Variants in DMGDH observed in about 807,000 individuals in gnomAD.
DMGDH encodes dimethylglycine dehydrogenase, mitochondrial.
In DMGDH, 76 loss-of-function variants were observed where a neutral mutation model predicts 95.2. That is an observed-to-expected ratio of 0.80 (90% CI 0.66 to 0.97). The LOEUF (loss-of-function observed/expected upper bound fraction) is 0.97. Ranked by LOEUF, DMGDH falls within the 50% of genes least tolerant of loss-of-function variation. DMGDH has a pLI of 0.00. For synonymous variants in DMGDH, 345 were observed against 377.6 expected, an observed-to-expected ratio of 0.91 and a Z score of 1.00; for missense variants, 987 against 1,055.0, an observed-to-expected ratio of 0.94 and a Z score of 0.89.
At chr5:79,042,928 T>C (rs572448681) in intron 6 of DMGDH, among the ~76,000 whole-genome samples, 4 of 152,314 alleles carry the variant, frequency 2.6e-5, no homozygotes, top group African/African-American at 9.6e-5. Flanking sequence ...AGATCTAAGA[T>C]GATGGATTTT....
At chr5:79,044,940 A>C (rs620376) in intron 5 of DMGDH, among the ~76,000 whole-genome samples, 24 of 152,100 alleles carry the variant, frequency 1.6e-4, no homozygotes, top group Admixed American at 1.2e-3. Context: ...GGACAGGGAC[A>C]GTCAGGCAAA....
At chr5:79,003,399 T>C (rs888407214) in intron 15 of DMGDH, among the ~76,000 whole-genome samples, 7 of 152,058 alleles carry the variant, frequency 4.6e-5, no homozygotes, top group African/African-American at 1.7e-4. Context: ...AAATATGAAT[T>C]GGAGGAAGAA....
intron 7 of DMGDH, among the ~76,000 whole-genome samples, chr5:79,038,370 G>C (rs1754406645): frequency 6.6e-6 from 1 of 152,108 alleles, no homozygotes; most frequent in Admixed American, 6.5e-5. Flanking sequence ...TGTAATCCCA[G>C]CTATTTGGGA....
At chr5:79,051,224 G>T in intron 5 of DMGDH, 63 bp downstream of exon 5, 1 of 1,519,772 alleles carries the variant, frequency 6.6e-7, no homozygotes, top group Non-Finnish European at 9.1e-7. Flanking sequence ...GAAACATTAC[G>T]GCTAAATATC....
At chr5:79,039,082 A>G (rs1754429345) in intron 7 of DMGDH, among the ~76,000 whole-genome samples, 1 of 149,414 alleles carries the variant, frequency 6.7e-6, no homozygotes, top group Non-Finnish European at 1.5e-5. Flanking sequence ...GGATGTGGAG[A>G]AATAGGAACA....
intron 14 of DMGDH, among the ~76,000 whole-genome samples, chr5:79,016,533 T>C (rs1753737708): frequency 6.6e-6 from 1 of 152,222 alleles, no homozygotes; most frequent in Admixed American, 6.5e-5. Context: ...TTAAAAGATA[T>C]GTAAGACCTG....
chr5:79,039,564 A>G (rs1272006255), intron 7 of DMGDH, among the ~76,000 whole-genome samples: 4 of 152,096 alleles, frequency 2.6e-5, no homozygotes, highest in African/African-American at 4.8e-5. Context: ...TTGTGGGGTC[A>G]GGGGAGTGGG....
At chr5:79,013,249 T>G (rs925199358) in intron 14 of DMGDH, among the ~76,000 whole-genome samples, 1 of 152,188 alleles carries the variant, frequency 6.6e-6, no homozygotes, top group African/African-American at 2.4e-5. Flanking sequence ...CTAAGATCCA[T>G]AGATCCCTAG....
intron 14 of DMGDH, among the ~76,000 whole-genome samples, chr5:79,006,146 T>C (rs1004563730): frequency 6.7e-6 from 1 of 148,832 alleles, no homozygotes; most frequent in Non-Finnish European, 1.5e-5. Flanking sequence ...CCATTCCCAA[T>C]GCAATCAATG....
At chr5:79,000,266 C>T (rs536436419) in intron 15 of DMGDH, 1 of 646,924 alleles carries the variant, frequency 1.5e-6, no homozygotes, top group South Asian at 1.4e-5. Flanking sequence ...ATATTCCTCA[C>T]ATTTAAAATC....
chr5:79,040,202 C>T (rs1348108309), intron 7 of DMGDH, among the ~76,000 whole-genome samples: 1 of 152,016 alleles, frequency 6.6e-6, no homozygotes, highest in Non-Finnish European at 1.5e-5. Flanking sequence ...TATGTTAATT[C>T]CAGGAGTTGG....
intron 7 of DMGDH, among the ~76,000 whole-genome samples, chr5:79,034,487 A>G (rs1460187566): frequency 2.0e-5 from 3 of 152,300 alleles, no homozygotes; most frequent in African/African-American, 7.2e-5. Flanking sequence ...GTCTTGTCTA[A>G]TGAAGGCCTC....
chr5:79,032,663 A>G, intron 9 of DMGDH, 24 bp downstream of exon 9: 1 of 1,614,008 alleles, frequency 6.2e-7, no homozygotes, highest in Non-Finnish European at 8.5e-7. Context: ...TCAGAACCAC[A>G]GGCAGGTAAA....
chr5:79,021,791 G>C, intron 14 of DMGDH: 1 of 1,161,072 alleles, frequency 8.6e-7, no homozygotes, highest in Non-Finnish European at 1.1e-6. Flanking sequence ...AAATTCTTGG[G>C]CAGTCTTTCA....
At chr5:79,018,423 T>C (rs1753785777) in intron 14 of DMGDH, among the ~76,000 whole-genome samples, 1 of 152,092 alleles carries the variant, frequency 6.6e-6, no homozygotes, top group African/African-American at 2.4e-5. Flanking sequence ...ATATACTCTA[T>C]GATTCCATTT....
At chr5:79,006,071 C>A (rs925237722) in intron 14 of DMGDH, among the ~76,000 whole-genome samples, 1 of 137,906 alleles carries the variant, frequency 7.3e-6, no homozygotes, top group African/African-American at 2.6e-5. Flanking sequence ...TTTTTTACTT[C>A]TTCCGTGCAA....
chr5:79,059,540 C>A (rs1184134543), intron 2 of DMGDH, among the ~76,000 whole-genome samples: 1 of 152,184 alleles, frequency 6.6e-6, no homozygotes, highest in Non-Finnish European at 1.5e-5. Flanking sequence ...TAAATGGGAA[C>A]AAATCCTGTT....
intron 7 of DMGDH, among the ~76,000 whole-genome samples, chr5:79,040,605 A>G (rs146371358): frequency 8.1e-4 from 124 of 152,350 alleles, no homozygotes; most frequent in African/African-American, 2.8e-3. Flanking sequence ...AAAAATACAT[A>G]TTCTGGACTT....
At chr5:79,021,126 C>G in intron 14 of DMGDH, 2 of 986,834 alleles carry the variant, frequency 2.0e-6, no homozygotes, top group Non-Finnish European at 2.4e-6. Context: ...TTTAAAAGTA[C>G]AGATTCAATT....
Sources: allele counts gnomAD v4.1 joint callset (sites outside exome capture counted in the v4.1 genomes callset), GRCh38; gene constraint gnomAD v4.1.1; transcripts MANE v1.5; gene names NCBI Gene and HGNC (gene_info 2026-07-23, HGNC 2026-07-21).